The following SEL1L3 variants were observed in gnomAD, a reference collection of about 807,000 sequenced individuals.
The protein encoded by SEL1L3 is protein sel-1 homolog 3.
A neutral mutation model predicts 142.8 loss-of-function variants in SEL1L3; 76 were observed. That is an observed-to-expected ratio of 0.53 (90% CI 0.44 to 0.64). SEL1L3 has a LOEUF of 0.64. Among genes scored for constraint, SEL1L3 ranks in the 30% least tolerant of loss-of-function variants. SEL1L3 has a pLI of 0.00. For synonymous variants in SEL1L3, 504 were observed against 519.6 expected, an observed-to-expected ratio of 0.97 and a Z score of 0.41; for missense variants, 1,262 against 1,381.7, an observed-to-expected ratio of 0.91 and a Z score of 1.37.
chr4:25,833,484 T>A lies in SEL1L3; in HGVS notation c.946A>T (p.Met316Leu). Residue 316 changes from methionine to leucine, a missense_variant, in exon 4 of 24, where the codon ATG (methionine) becomes TTG (leucine). Met to Leu is a conservative substitution (Grantham distance 15). Transcript: ENST00000399878. ...GILYFVDSNE[M>L]YGTPSVFLTE... ...AGAAATACAGAAGGTGTGCCGTACATCTCATTAGAGTCAACAAAGTACAGA... is the reference window on the plus strand; with the variant it reads ...AGAAATACAGAAGGTGTGCCGTACAACTCATTAGAGTCAACAAAGTACAGA... 1 of 1,613,182 alleles carries A rather than the reference T, an allele frequency of 6.2e-7. No individual in the cohort carries two copies. The highest frequency in any genetic ancestry group is 8.5e-7 in the Non-Finnish European group (1 of 1,179,304).
the SEL1L3 span, among the ~76,000 whole-genome samples, chr4:25,727,318 T>C: frequency 2.0e-5 from 3 of 152,108 alleles, no homozygotes; most frequent in South Asian, 6.2e-4. Flanking sequence ...TCCCGAAGTG[T>C]TGGGATTACA....
chr4:25,763,455 G>C (rs368987656), intron 20 of SEL1L3, among the ~76,000 whole-genome samples: 1 of 152,106 alleles, frequency 6.6e-6, no homozygotes, highest in Admixed American at 6.6e-5. Flanking sequence ...TTAGTGACTC[G>C]CCATGAACAA....
chr4:25,781,027 T>C (rs2109168736), intron 15 of SEL1L3, among the ~76,000 whole-genome samples: 1 of 151,776 alleles, frequency 6.6e-6, no homozygotes, highest in East Asian at 1.9e-4. Flanking sequence ...TTTGTATTTT[T>C]AGAGACGGAG....
At chr4:25,837,015 G>A (rs1715872445) in intron 2 of SEL1L3, among the ~76,000 whole-genome samples, 1 of 152,044 alleles carries the variant, frequency 6.6e-6, no homozygotes, top group Non-Finnish European at 1.5e-5. Flanking sequence ...GTTACAAGTA[G>A]AGATGCATTT....
At chr4:25,785,454 G>A (rs908435905) in intron 13 of SEL1L3, among the ~76,000 whole-genome samples, 2 of 152,164 alleles carry the variant, frequency 1.3e-5, no homozygotes, top group African/African-American at 4.8e-5. Context: ...GCCTATTTCA[G>A]TTCATAACCT....
chr4:25,794,496 T>C (rs555277857), intron 11 of SEL1L3, among the ~76,000 whole-genome samples: 2 of 152,132 alleles, frequency 1.3e-5, no homozygotes, highest in East Asian at 1.9e-4. Context: ...TCATGCCAGG[T>C]AGATAGTGGT....
At chr4:25,755,166 C>T (rs572507325) in intron 23 of SEL1L3, among the ~76,000 whole-genome samples, 69 of 152,226 alleles carry the variant, frequency 4.5e-4, no homozygotes, top group African/African-American at 1.6e-3. Context: ...TCACTGCAGC[C>T]TTGAACTTCT....
At chr4:25,717,163 T>A in the SEL1L3 span, among the ~76,000 whole-genome samples, 2 of 151,658 alleles carry the variant, frequency 1.3e-5, no homozygotes, top group Non-Finnish European at 2.9e-5. Flanking sequence ...ACTCATGTAA[T>A]CCATAAATAT....
chr4:25,769,698 G>A (rs149247824), intron 17 of SEL1L3, among the ~76,000 whole-genome samples: 2,476 of 152,278 alleles, frequency 0.016, 36 homozygotes, highest in South Asian at 0.047. Context: ...CTGCACTGGT[G>A]TCTCAGTTTC....
At chr4:25,760,225 T>C (rs1718282551) in intron 20 of SEL1L3, among the ~76,000 whole-genome samples, 1 of 152,182 alleles carries the variant, frequency 6.6e-6, no homozygotes, top group Non-Finnish European at 1.5e-5. Flanking sequence ...TCCAGCTCCA[T>C]CCATGTTCCT....
In SEL1L3 at chr4:25,835,336, A is replaced by G. The variant is rs1715748434; in HGVS notation, c.734-13T>C. The G allele has an allele frequency of 6.2e-7, 1 of 1,612,944 alleles. No homozygotes were observed. The highest frequency in any genetic ancestry group is 1.3e-5 in the African/African-American group (1 of 74,922). Reference sequence around the variant, plus strand: ...AGGGCAACCACATCTGCAAACAGCAAAATGGCTCCCTTTCAATTATATCCA... The same window carrying G: ...AGGGCAACCACATCTGCAAACAGCAGAATGGCTCCCTTTCAATTATATCCA... On this transcript the variant is annotated splice_polypyrimidine_tract_variant and intron_variant, in intron 2 of 23. Coordinates refer to ENST00000399878, the MANE Select transcript of SEL1L3 (RefSeq NM_015187.5).
intron 23 of SEL1L3, among the ~76,000 whole-genome samples, chr4:25,752,375 C>T (rs906874622): frequency 3.4e-5 from 5 of 149,208 alleles, no homozygotes; most frequent in African/African-American, 9.9e-5. Context: ...CGAGATAGCG[C>T]CACTGCACTC....
chr4:25,857,218 T>C (rs1717323558), intron 1 of SEL1L3, among the ~76,000 whole-genome samples: 2 of 152,212 alleles, frequency 1.3e-5, no homozygotes. Context: ...TGGATGATGA[T>C]GTCAATACAG....
At chr4:25,861,944 T>G in intron 1 of SEL1L3, 1 of 152,226 alleles carries the variant, frequency 6.6e-6, no homozygotes, top group East Asian at 1.9e-4. Flanking sequence ...TACTGCCCTT[T>G]AGTTGATGAC....
At chr4:25,823,029 A>T (rs1219982847) in intron 6 of SEL1L3, among the ~76,000 whole-genome samples, 1 of 152,222 alleles carries the variant, frequency 6.6e-6, no homozygotes, top group African/African-American at 2.4e-5. Flanking sequence ...AAAGAGGCTA[A>T]CAGATTTTTT....
the SEL1L3 span, chr4:25,720,839 C>A: frequency 6.6e-6 from 1 of 152,154 alleles, no homozygotes; most frequent in Non-Finnish European, 1.5e-5. Context: ...TACCTTCTAT[C>A]TGTCTGTGGT....
downstream of SEL1L3, among the ~76,000 whole-genome samples, chr4:25,745,160 TGTG>T (rs1258352710): frequency 6.6e-6 from 1 of 152,106 alleles, no homozygotes; most frequent in Non-Finnish European, 1.5e-5. Context: ...TTTGGGAGGC[TGTG>T]GTGGATGGAT....
the SEL1L3 span, among the ~76,000 whole-genome samples, chr4:25,735,488 T>C: frequency 4.3e-5 from 2 of 46,018 alleles, no homozygotes; most frequent in Non-Finnish European, 1.3e-4. Context: ...CTTGATTTTA[T>C]TGATTATCTT....
intron 14 of SEL1L3, among the ~76,000 whole-genome samples, chr4:25,783,850 G>C (rs1199564416): frequency 6.6e-6 from 1 of 152,220 alleles, no homozygotes; most frequent in African/African-American, 2.4e-5. Flanking sequence ...AACCTTCAAA[G>C]GAGTTAGGCT....
Sources: allele counts gnomAD v4.1 joint callset (sites outside exome capture counted in the v4.1 genomes callset), GRCh38; gene constraint gnomAD v4.1.1; transcripts MANE v1.5; gene names NCBI Gene and HGNC (gene_info 2026-07-23, HGNC 2026-07-21).